Variants in BBS4 observed in about 807,000 individuals in gnomAD.
BBS4 encodes BBSome complex member BBS4.
BBS4 carries 58 observed loss-of-function variants against 71.4 expected under a neutral mutation model. The observed-to-expected ratio is 0.81, with a 90% CI of 0.66 to 1.01. The LOEUF (loss-of-function observed/expected upper bound fraction) is 1.01, where lower values mean the gene tolerates loss of function less well. Among genes scored for constraint, BBS4 ranks in the 50% least tolerant of loss-of-function variants. The pLI is 0.00. For missense variants in BBS4, 660 were observed against 607.9 expected (o/e 1.09, Z -0.90); for synonymous variants, 228 against 216.8 (o/e 1.05, Z -0.46).
intron 15 of BBS4, 84 bp downstream of exon 15, chr15:72,737,047 T>C: frequency 4.7e-6 from 7 of 1,488,218 alleles, no homozygotes; most frequent in Non-Finnish European, 5.6e-6. Context: ...TTCAGTGAGG[T>C]TCTCTTCAGA....
intron 1 of BBS4, among the ~76,000 whole-genome samples, chr15:72,687,632 A>G (rs117993209): frequency 0.026 from 3,901 of 151,030 alleles, 53 homozygotes; most frequent in Non-Finnish European, 0.036. Context: ...AACAGATTTT[A>G]AAATAATTAA....
chr15:72,687,655 C>T (rs931714405), intron 1 of BBS4, among the ~76,000 whole-genome samples: 4 of 151,606 alleles, frequency 2.6e-5, no homozygotes, highest in Non-Finnish European at 5.9e-5. Flanking sequence ...AGGCCAGGCT[C>T]AGTGGCTCAC....
chr15:72,721,332 CGTT>C (rs1567419740), intron 6 of BBS4, among the ~76,000 whole-genome samples: 1 of 152,046 alleles, frequency 6.6e-6, no homozygotes, highest in Non-Finnish European at 1.5e-5. Context: ...GTGGATAAAA[CGTT>C]GGGCTGTTAT....
Position 72,715,428 on chromosome 15 carries a change from T to TA in BBS4, c.332+27dup, listed in dbSNP as rs558055315. 5,967 of 1,498,400 alleles carry TA rather than the reference T, an allele frequency of 4.0e-3. 27 individuals are homozygous for TA. The highest frequency in any genetic ancestry group is 6.1e-3 in the South Asian group (545 of 88,646). The allele number at this position is 1,498,400 out of a possible 1,614,324, so 92.8% of individuals were successfully genotyped here. On this transcript the variant is annotated intron_variant, in intron 5 of 15. Coordinates refer to ENST00000268057, the MANE Select transcript of BBS4 (RefSeq NM_033028.5). ...GTGAGTATTGGCAACCTGGAGGCCC[T>TA]AGGGCACTCACAGAGAACAGTGTAA...
At chr15:72,725,794 TCTTCCCCCA>T (rs2065668721) in intron 8 of BBS4, among the ~76,000 whole-genome samples, 3 of 18,688 alleles carry the variant, frequency 1.6e-4, no homozygotes, top group Non-Finnish European at 2.7e-4. Context: ...CCTCCTTCCC[TCTTCCCCCA>T]TCCCCCTTCC....
At chr15:72,736,238 CTTTTTT>C (rs35502034) in intron 14 of BBS4, among the ~76,000 whole-genome samples, 13 of 113,468 alleles carry the variant, frequency 1.1e-4, no homozygotes, top group Non-Finnish European at 1.6e-4. Flanking sequence ...TTCTATTTCA[CTTTTTT>C]TTTTTTTTTT....
chr15:72,696,348 T>G (rs994214310), intron 2 of BBS4, among the ~76,000 whole-genome samples: 6 of 152,224 alleles, frequency 3.9e-5, no homozygotes, highest in Non-Finnish European at 8.8e-5. Context: ...AGTCTTTGAA[T>G]GGTATCAACA....
chr15:72,737,406 C>A, intron 15 of BBS4, 72 bp from the exon 16 acceptor site: 1 of 1,363,178 alleles, frequency 7.3e-7, no homozygotes, highest in Non-Finnish European at 1.0e-6. Flanking sequence ...CTCTTGAACT[C>A]TAACAGCAAA....
In BBS4 at chr15:72,714,553, G is replaced by A. The variant is rs967665094; in HGVS notation, c.221-738G>A. ...CTGACTTAAATTTTCCTCTTTAGTG[G>A]CATAAGTAGCATTCTTAGTTTTTCC... On this transcript the variant is annotated intron_variant, in intron 4 of 15. Transcript: ENST00000268057. Among the ~76,000 whole-genome samples the A allele has an allele frequency of 9.2e-5, 14 of 152,212 alleles. 2 individuals carry two copies. The South Asian group carries it at 2.1e-3, about 23-fold the overall frequency.
chr15:72,734,689 A>G (rs1398789390), intron 12 of BBS4, among the ~76,000 whole-genome samples: 1 of 151,634 alleles, frequency 6.6e-6, no homozygotes, highest in Non-Finnish European at 1.5e-5. Context: ...AAGTGGGGGG[A>G]GTGTTTTACT....
intron 1 of BBS4, among the ~76,000 whole-genome samples, chr15:72,689,000 A>G (rs1032269617): frequency 5.3e-5 from 8 of 151,984 alleles, no homozygotes; most frequent in South Asian, 2.1e-4. Flanking sequence ...TCTTCTGCCT[A>G]TTAAACCTCC....
At chr15:72,709,898 C>A in intron 3 of BBS4, 119 bp downstream of exon 3, 1 of 841,106 alleles carries the variant, frequency 1.2e-6, no homozygotes, top group Non-Finnish European at 2.0e-6. Context: ...ATTCCTTCTT[C>A]CCCATACTTC....
intron 2 of BBS4, among the ~76,000 whole-genome samples, chr15:72,705,468 T>A (rs2151010659): frequency 6.6e-6 from 1 of 152,242 alleles, no homozygotes; most frequent in East Asian, 1.9e-4. Context: ...ATTTGGTGGA[T>A]TTTCCTTTTT....
chr15:72,729,749 G>C (rs904031621), intron 10 of BBS4, 65 bp downstream of exon 10: 7 of 1,406,898 alleles, frequency 5.0e-6, no homozygotes, highest in African/African-American at 1.4e-5. Context: ...GAGGTGATCT[G>C]ACCCTGGAAA....
chr15:72,687,123 A>ATTTTTTTTTTTTTTTT (rs1491389178), intron 1 of BBS4, among the ~76,000 whole-genome samples: 1 of 11,980 alleles, frequency 8.3e-5, no homozygotes, highest in African/African-American at 1.5e-4. Flanking sequence ...GAAGACAGAA[A>ATTTTTTTTTTTTTTTT]CTTTTTTTTT....
intron 2 of BBS4, among the ~76,000 whole-genome samples, chr15:72,699,694 C>T (rs2065137265): frequency 6.6e-6 from 1 of 152,150 alleles, no homozygotes; most frequent in East Asian, 1.9e-4. Context: ...TTTGAACTTT[C>T]CTATAATAAG....
chr15:72,714,073 C>T (rs1486527066), intron 4 of BBS4, among the ~76,000 whole-genome samples: 1 of 151,990 alleles, frequency 6.6e-6, no homozygotes, highest in Non-Finnish European at 1.5e-5. Flanking sequence ...GGAAGGATTG[C>T]TTGTAATCAA....
At chr15:72,729,824 T>C in intron 10 of BBS4, 140 bp downstream of exon 10, 1 of 709,376 alleles carries the variant, frequency 1.4e-6, no homozygotes, top group Non-Finnish European at 2.4e-6. Flanking sequence ...AAAAGGTGGC[T>C]CTTCTTATTT....
intron 12 of BBS4, among the ~76,000 whole-genome samples, chr15:72,734,506 C>T (rs1483379138): frequency 2.0e-5 from 3 of 152,154 alleles, no homozygotes; most frequent in Admixed American, 6.5e-5. Context: ...GTCATGCGTA[C>T]AGTGCAAGGA....
Sources: gnomAD v4.1 joint callset for allele counts (sites outside exome capture counted in the v4.1 genomes callset) on GRCh38, gnomAD v4.1.1 for gene constraint, MANE v1.5 for transcripts, NCBI Gene and HGNC (gene_info 2026-07-23, HGNC 2026-07-21) for gene names.